The following MYO3B variants were observed in gnomAD, a reference collection of about 807,000 sequenced individuals.
MYO3B encodes myosin IIIB.
In MYO3B, 156 loss-of-function variants were observed where a neutral mutation model predicts 174.6. The ratio of observed to expected loss-of-function variants is 0.89; its 90% CI spans 0.78 to 1.02. The LOEUF is 1.02. Ranked by LOEUF, MYO3B falls within the 50% of genes least tolerant of loss-of-function variation. The pLI, the probability that MYO3B is intolerant of heterozygous loss-of-function variation, is 0.00. For missense variants in MYO3B, 1,632 were observed against 1,639.4 expected (o/e 1.00, Z 0.08); for synonymous variants, 563 against 569.1 (o/e 0.99, Z 0.15).
rs540888591 is a variant in MYO3B at position 170,405,646 on chromosome 2, TGACAGTTATTAGACCTGAATTTGGC to T, written c.2520+14_2520+38del. On this transcript the variant is annotated intron_variant, in intron 21 of 34. Coordinates refer to ENST00000408978, the MANE Select transcript of MYO3B (RefSeq NM_138995.5). ...TTATGCTGGAAAGGTGAGGCCAGTG[TGACAGTTATTAGACCTGAATTTGGC>T]AAAGGGTAAGTGTCTGTATTACCCT... 983 of 1,613,412 alleles carry T rather than the reference TGACAGTTATTAGACCTGAATTTGGC, an allele frequency of 6.1e-4. 8 individuals carry two copies. In the African/African-American group the frequency reaches 0.012, roughly 20 times the overall value.
At chr2:170,459,580 G>A (rs550679998) in intron 23 of MYO3B, among the ~76,000 whole-genome samples, 1 of 152,308 alleles carries the variant, frequency 6.6e-6, no homozygotes, top group African/African-American at 2.4e-5. Flanking sequence ...TTTGCCTACT[G>A]GATCCTGCTG....
At chr2:170,237,319 A>G (rs2093081812) in intron 7 of MYO3B, among the ~76,000 whole-genome samples, 1 of 152,068 alleles carries the variant, frequency 6.6e-6, no homozygotes, top group Admixed American at 6.6e-5. Context: ...TTTTTTTACA[A>G]ATGGTTTACC....
intron 8 of MYO3B, among the ~76,000 whole-genome samples, chr2:170,367,921 C>T (rs1384429632): frequency 1.3e-5 from 2 of 152,122 alleles, no homozygotes; most frequent in African/African-American, 2.4e-5. Context: ...ATTTAGGTTC[C>T]GTTGGCTTTT....
chr2:170,517,631 T>A (rs1202298939), intron 29 of MYO3B, among the ~76,000 whole-genome samples: 3 of 152,212 alleles, frequency 2.0e-5, no homozygotes, highest in Non-Finnish European at 2.9e-5. Context: ...TGCTGCTGAT[T>A]TGGGCCAGAG....
chr2:170,630,045 T>C (rs886411364), intron 32 of MYO3B, among the ~76,000 whole-genome samples: 6 of 152,320 alleles, frequency 3.9e-5, no homozygotes, highest in Admixed American at 3.9e-4. Flanking sequence ...CTTCATCTCA[T>C]TGAGACTGGT....
chr2:170,272,082 C>CTT (rs202163461), intron 7 of MYO3B, among the ~76,000 whole-genome samples: 10,823 of 146,850 alleles, frequency 0.074, 975 homozygotes, highest in African/African-American at 0.21. Context: ...AGAAGGGAAA[C>CTT]TTTTTTTTTT....
At chr2:170,598,485 G>T (rs1694287347) in intron 32 of MYO3B, among the ~76,000 whole-genome samples, 1 of 152,196 alleles carries the variant, frequency 6.6e-6, no homozygotes, top group Non-Finnish European at 1.5e-5. Flanking sequence ...TTTCCTTTTT[G>T]AATCTCTCAG....
At chr2:170,275,740 C>T (rs974093655) in intron 7 of MYO3B, among the ~76,000 whole-genome samples, 1 of 151,950 alleles carries the variant, frequency 6.6e-6, no homozygotes, top group South Asian at 2.1e-4. Context: ...CCAGTAAAAT[C>T]TGTGCATTAA....
At chr2:170,400,403 T>A in intron 17 of MYO3B, 89 bp downstream of exon 17, 22 of 238,918 alleles carry the variant, frequency 9.2e-5, no homozygotes, top group Non-Finnish European at 1.2e-4. Context: ...TTGCTGGTCC[T>A]TTTTTTTTTT....
chr2:170,451,684 C>A (rs1002633101), intron 23 of MYO3B, among the ~76,000 whole-genome samples: 1 of 152,182 alleles, frequency 6.6e-6, no homozygotes, highest in Non-Finnish European at 1.5e-5. Context: ...AAACATCACA[C>A]AAACAGACAT....
Position 170,611,514 on chromosome 2 carries a change from C to T in MYO3B, c.3734-40114C>T, listed in dbSNP as rs183170503. On this transcript the variant is annotated intron_variant, in intron 32 of 34. Transcript: ENST00000408978. ...ATGCGGGTGTTGAGGACAGTGGGGA[C>T]AGTGGGGACAGTGGGAATTCTACAG... 1.6e-4 allele frequency among the ~76,000 whole-genome samples: 24 copies of T among 152,160 alleles called. No homozygotes were observed. The East Asian group carries it at 4.4e-3, about 28-fold the overall frequency.
At chr2:170,600,638 C>T (rs1488755100) in intron 32 of MYO3B, among the ~76,000 whole-genome samples, 1 of 152,138 alleles carries the variant, frequency 6.6e-6, no homozygotes, top group Non-Finnish European at 1.5e-5. Flanking sequence ...CATCTATAGC[C>T]AGCATTTTCA....
chr2:170,532,555 G>T (rs1575125115), intron 30 of MYO3B, among the ~76,000 whole-genome samples: 2 of 152,160 alleles, frequency 1.3e-5, no homozygotes, highest in East Asian at 3.8e-4. Flanking sequence ...GCTCATGCCT[G>T]TAATCCTAGC....
At chr2:170,296,624 A>T (rs1470160132) in intron 7 of MYO3B, among the ~76,000 whole-genome samples, 1 of 152,166 alleles carries the variant, frequency 6.6e-6, no homozygotes, top group Admixed American at 6.5e-5. Context: ...TTATTGCCCA[A>T]AGGAGAGCAA....
intron 7 of MYO3B, among the ~76,000 whole-genome samples, chr2:170,296,856 G>A: frequency 6.6e-6 from 1 of 151,790 alleles, no homozygotes; most frequent in Non-Finnish European, 1.5e-5. Context: ...GCCAGAGTGG[G>A]GACAAAAGAG....
chr2:170,234,095 C>G (rs973074432), intron 6 of MYO3B, among the ~76,000 whole-genome samples: 1 of 138,004 alleles, frequency 7.2e-6, no homozygotes, highest in South Asian at 2.3e-4. Context: ...GGCGTGAACC[C>G]AGGAGGCGGA....
chr2:170,629,903 T>C (rs1477554012), intron 32 of MYO3B, among the ~76,000 whole-genome samples: 1 of 151,784 alleles, frequency 6.6e-6, no homozygotes, highest in East Asian at 1.9e-4. Context: ...ATTCCTCTAA[T>C]GAACTCAGCT....
chr2:170,540,803 T>A (rs1690050178), intron 30 of MYO3B, among the ~76,000 whole-genome samples: 2 of 152,206 alleles, frequency 1.3e-5, no homozygotes, highest in South Asian at 4.1e-4. Context: ...TGCCTCAACA[T>A]GGTACAGAGG....
chr2:170,607,861 A>G (rs1694908429), intron 32 of MYO3B, among the ~76,000 whole-genome samples: 1 of 152,218 alleles, frequency 6.6e-6, no homozygotes, highest in Non-Finnish European at 1.5e-5. Flanking sequence ...GCTCTAGGTA[A>G]AGGAACAAAG....
Sources: gnomAD v4.1 joint callset for allele counts (sites outside exome capture counted in the v4.1 genomes callset) on GRCh38, gnomAD v4.1.1 for gene constraint, MANE v1.5 for transcripts, NCBI Gene and HGNC (gene_info 2026-07-23, HGNC 2026-07-21) for gene names.